The following NCKAP5 variants were observed in gnomAD, a reference collection of about 807,000 sequenced individuals.
NCKAP5 encodes NCK associated protein 5, also known as nck-associated protein 5.
NCKAP5 carries 92 observed loss-of-function variants against 167.0 expected under a neutral mutation model. The ratio of observed to expected loss-of-function variants is 0.55; its 90% CI spans 0.47 to 0.66. NCKAP5 has a LOEUF of 0.66. NCKAP5 is among the 30% of genes least tolerant of loss of function. NCKAP5 has a pLI of 0.00. For missense variants in NCKAP5, 2,378 were observed against 2,315.0 expected (o/e 1.03, Z -0.56); for synonymous variants, 891 against 877.4 (o/e 1.02, Z -0.27).
chr2:132,747,693 A>ATTACACCTCAC (rs1469766581), intron 16 of NCKAP5, among the ~76,000 whole-genome samples: 1 of 151,808 alleles, frequency 6.6e-6, no homozygotes, highest in African/African-American at 2.4e-5. Flanking sequence ...TTTGACCTTC[A>ATTACACCTCAC]TTACACCTCA....
chr2:132,781,222 T>TA lies in NCKAP5; in HGVS notation c.4878dup (p.Lys1627Ter). The TA allele has an allele frequency of 6.2e-7, 1 of 1,613,556 alleles. No homozygotes were observed. The highest frequency in any genetic ancestry group is 8.5e-7 in the Non-Finnish European group (1 of 1,179,698). On this transcript the variant is annotated frameshift_variant, in exon 15 of 20. Coordinates refer to ENST00000409261, the MANE Select transcript of NCKAP5 (RefSeq NM_207363.3). LOFTEE classifies it high-confidence loss of function. ...CTTTCTGTCTGTGGAGCTGCTTTCT[T>TA]ATCAACTCTGCAGGTAGAAAGTGAT...
chr2:133,552,363 A>G (rs1186876753), intron 2 of NCKAP5, among the ~76,000 whole-genome samples: 1 of 128,182 alleles, frequency 7.8e-6, no homozygotes, highest in Non-Finnish European at 1.6e-5. Context: ...CAACAATGAT[A>G]GACTGGATTA....
chr2:133,154,462 A>G (rs552028475), intron 5 of NCKAP5, among the ~76,000 whole-genome samples: 1 of 152,254 alleles, frequency 6.6e-6, no homozygotes, highest in African/African-American at 2.4e-5. Context: ...GCACTGGTAC[A>G]GCAACCCATG....
At chr2:133,467,413 A>C (rs962681061) in intron 3 of NCKAP5, among the ~76,000 whole-genome samples, 1 of 152,196 alleles carries the variant, frequency 6.6e-6, no homozygotes, top group African/African-American at 2.4e-5. Context: ...TCATTTTGCC[A>C]GTATTTTATT....
rs149955675 is a variant in NCKAP5, at chr2:132,976,196, A to T, written c.430-12327T>A. Among the ~76,000 whole-genome samples the T allele has an allele frequency of 5.0e-3, 765 of 152,322 alleles. 4 individuals are homozygous for T. Among genetic ancestry groups the T allele is most frequent in the African/African-American group, 0.018 (731 of 41,574 alleles). ...AAAGAAGATGAACTCAGAATCAGAG[A>T]GTAGACTAGCACTTAGTAAGGGTTT... On this transcript the variant is annotated intron_variant, in intron 7 of 19. Coordinates refer to ENST00000409261, the MANE Select transcript of NCKAP5 (RefSeq NM_207363.3).
intron 18 of NCKAP5, among the ~76,000 whole-genome samples, chr2:132,728,180 A>C (rs1690647429): frequency 6.6e-6 from 1 of 152,182 alleles, no homozygotes. Context: ...TGGTCAGAGT[A>C]ACCTGCTGGA....
At chr2:133,178,312 A>G (rs1001098441) in intron 5 of NCKAP5, among the ~76,000 whole-genome samples, 1 of 151,498 alleles carries the variant, frequency 6.6e-6, no homozygotes, top group African/African-American at 2.4e-5. Context: ...GACCCTGGCC[A>G]ACATGGGGAA....
chr2:133,336,683 A>G (rs1406824939), intron 3 of NCKAP5, among the ~76,000 whole-genome samples: 1 of 152,218 alleles, frequency 6.6e-6, no homozygotes, highest in East Asian at 1.9e-4. Context: ...GGTAGTCTCA[A>G]TTCCAGCTCC....
intron 4 of NCKAP5, among the ~76,000 whole-genome samples, chr2:133,225,580 C>T (rs1258606354): frequency 1.3e-5 from 2 of 152,056 alleles, no homozygotes; most frequent in Non-Finnish European, 2.9e-5. Context: ...TTTACACACA[C>T]GAGGGTGAGT....
intron 3 of NCKAP5, among the ~76,000 whole-genome samples, chr2:133,465,336 AC>A (rs1692498474): frequency 6.6e-6 from 1 of 151,678 alleles, no homozygotes; most frequent in South Asian, 2.1e-4. Context: ...AAGGACATGA[AC>A]TCATCATTTT....
At chr2:133,108,278 T>C (rs1448261644) in intron 6 of NCKAP5, among the ~76,000 whole-genome samples, 4 of 152,148 alleles carry the variant, frequency 2.6e-5, no homozygotes, top group African/African-American at 7.2e-5. Context: ...GGATAAGCAC[T>C]GAATAAGAGA....
intron 6 of NCKAP5, among the ~76,000 whole-genome samples, chr2:133,081,332 A>G (rs2149592301): frequency 6.6e-6 from 1 of 152,308 alleles, no homozygotes; most frequent in Non-Finnish European, 1.5e-5. Flanking sequence ...AAAGATTAGG[A>G]AGACTAGAAA....
chr2:133,616,694 T>A, the NCKAP5 span, among the ~76,000 whole-genome samples: 9 of 151,894 alleles, frequency 5.9e-5, no homozygotes, highest in Admixed American at 3.3e-4. Context: ...CAGGACCAGA[T>A]GGATTCACAG....
chr2:133,487,946 T>C (rs1317550426), intron 3 of NCKAP5, among the ~76,000 whole-genome samples: 1 of 152,156 alleles, frequency 6.6e-6, no homozygotes, highest in Non-Finnish European at 1.5e-5. Context: ...AGCATGTAGG[T>C]AAAAAGTCAG....
intron 3 of NCKAP5, among the ~76,000 whole-genome samples, chr2:133,467,518 G>T (rs1336617429): frequency 6.6e-6 from 1 of 150,560 alleles, no homozygotes; most frequent in Non-Finnish European, 1.5e-5. Context: ...AATGATGCTG[G>T]CCTCATAAAA....
At chr2:132,725,905 A>C in intron 18 of NCKAP5, 146 bp from the exon 19 acceptor site, 1 of 847,314 alleles carries the variant, frequency 1.2e-6, no homozygotes, top group Non-Finnish European at 1.8e-6. Context: ...CGCTCACCCG[A>C]GAGCAACTCT....
chr2:133,234,453 G>C (rs1163706207), intron 4 of NCKAP5, among the ~76,000 whole-genome samples: 1 of 152,162 alleles, frequency 6.6e-6, no homozygotes, highest in East Asian at 1.9e-4. Flanking sequence ...ACCCTGACAA[G>C]TCTGCCTTGA....
chr2:132,741,618 T>A (rs745647676), intron 16 of NCKAP5, among the ~76,000 whole-genome samples: 1 of 152,110 alleles, frequency 6.6e-6, no homozygotes, highest in Non-Finnish European at 1.5e-5. Flanking sequence ...CACTTCTGTA[T>A]CCATACATCA....
chr2:132,884,488 T>C (rs1041188268), intron 8 of NCKAP5, among the ~76,000 whole-genome samples: 2 of 152,230 alleles, frequency 1.3e-5, no homozygotes, highest in African/African-American at 4.8e-5. Flanking sequence ...CAATGCCATC[T>C]TGAGTAACTT....
Sources: gnomAD v4.1 joint callset for allele counts (sites outside exome capture counted in the v4.1 genomes callset) on GRCh38, gnomAD v4.1.1 for gene constraint, MANE v1.5 for transcripts, NCBI Gene and HGNC (gene_info 2026-07-23, HGNC 2026-07-21) for gene names.